COL4A3: variants seen among roughly 807,000 people sequenced by gnomAD.
COL4A3 encodes the protein collagen type IV alpha 3 chain, also known as collagen alpha-3(IV) chain.
A neutral mutation model predicts 217.4 loss-of-function variants in COL4A3; 135 were observed. That is an observed-to-expected ratio of 0.62 (90% CI 0.54 to 0.72). COL4A3 has a LOEUF of 0.72. COL4A3 is among the 30% of genes least tolerant of loss of function. The pLI is 0.00. For missense variants in COL4A3, 1,868 were observed against 2,119.9 expected, an observed-to-expected ratio of 0.88 and a Z score of 2.33; for synonymous variants, 690 against 736.3, an observed-to-expected ratio of 0.94 and a Z score of 1.02.
intron 1 of COL4A3, among the ~76,000 whole-genome samples, chr2:227,202,744 AAAATATATAT>A (rs202047000): frequency 0.38 from 25,345 of 66,718 alleles, 4,035 homozygotes; most frequent in East Asian, 0.59. Flanking sequence ...CTAAAAAAAA[AAAATATATAT>A]ATATATATAT....
Position 227,202,747 on chromosome 2 carries a change from ATATATATAT to A in COL4A3, c.88-35220_88-35212del, listed in dbSNP as rs1442998814. Among the ~76,000 whole-genome samples the A allele has an allele frequency of 3.6e-3, 57 of 15,902 alleles. 2 individuals carry two copies. Among genetic ancestry groups the A allele is most frequent in the African/African-American group, 0.019 (57 of 3,070 alleles). The allele number at this position is 15,902 out of a possible 152,430, so 10.4% of individuals were successfully genotyped here. A position where few individuals can be genotyped will look rare whatever the true frequency, so the allele number is the denominator to read the frequency against. ...GAGAATCCGTCTCTAAAAAAAAAAA[ATATATATAT>A]ATATATATATATATATCACATATAT... On this transcript the variant is annotated intron_variant, in intron 1 of 51. Coordinates refer to ENST00000396578, the MANE Select transcript of COL4A3 (RefSeq NM_000091.5).
intron 20 of COL4A3, 109 bp from the exon 21 acceptor site, chr2:227,263,671 C>G: frequency 1.8e-6 from 2 of 1,136,966 alleles, no homozygotes; most frequent in Non-Finnish European, 2.5e-6. Context: ...ATGTACCTCT[C>G]CATTGTGCAA....
intron 1 of COL4A3, chr2:227,221,188 C>T (rs1161882302): frequency 6.6e-6 from 1 of 152,240 alleles, no homozygotes; most frequent in Non-Finnish European, 1.5e-5. Context: ...TTCTTCTTGA[C>T]CTCTGTCACT....
chr2:227,283,054 G>A (rs1329044666), intron 32 of COL4A3, among the ~76,000 whole-genome samples: 1 of 152,062 alleles, frequency 6.6e-6, no homozygotes, highest in African/African-American at 2.4e-5. Flanking sequence ...TTTCTTATAG[G>A]TATATTCAGG....
Position 227,164,960 on chromosome 2 carries a change from G to C in COL4A3, c.87+147G>C. The C allele has an allele frequency of 9.6e-7, 1 of 1,045,186 alleles. No homozygotes were observed. The highest frequency in any genetic ancestry group is 1.3e-6 in the Non-Finnish European group (1 of 766,078). 64.7% of individuals were successfully genotyped at this position (1,045,186 alleles called of 1,614,324 possible). A position where few individuals can be genotyped will look rare whatever the true frequency, so the allele number is the denominator to read the frequency against. ...GCTGAGGGCTTCACGCAGGTCCCGGGACAGGCAGCGAGCGGAAGGGAGCAA... is the reference window on the plus strand; with the variant it reads ...GCTGAGGGCTTCACGCAGGTCCCGGCACAGGCAGCGAGCGGAAGGGAGCAA... On this transcript the variant is annotated intron_variant, in intron 1 of 51. Transcript: ENST00000396578. The surrounding 1 kb of genome is among the most constrained non-coding windows in gnomAD (Gnocchi z 4.8).
intron 25 of COL4A3, 124 bp from the exon 26 acceptor site, chr2:227,272,825 C>A: frequency 3.8e-6 from 4 of 1,058,176 alleles, no homozygotes; most frequent in South Asian, 2.6e-5. Context: ...TCATCAAATG[C>A]CAAATGCTTT....
intron 1 of COL4A3, among the ~76,000 whole-genome samples, chr2:227,222,041 C>T (rs1051350788): frequency 7.9e-5 from 12 of 151,228 alleles, no homozygotes; most frequent in Admixed American, 1.3e-4. Flanking sequence ...GTAGTCCCAC[C>T]TACTTAAGAG....
At chr2:227,246,773 T>C (rs1214685972) in intron 7 of COL4A3, 35 bp downstream of exon 7, 1 of 1,560,834 alleles carries the variant, frequency 6.4e-7, no homozygotes, top group Non-Finnish European at 8.8e-7. Context: ...AACAAAGACA[T>C]AAAGTATAAA....
In COL4A3 at chr2:227,311,902, C is replaced by T; in HGVS notation, c.*32C>T. 1 of 1,612,650 alleles carries T rather than the reference C, an allele frequency of 6.2e-7. No individual in the cohort carries two copies. Among genetic ancestry groups the T allele is most frequent in the Non-Finnish European group, 8.5e-7 (1 of 1,179,186 alleles). On this transcript the variant is annotated 3_prime_UTR_variant, in exon 52 of 52. Transcript: ENST00000396578. ...AAAAGACAGCAGAACTGCTATTTTT[C>T]ATCCTAAAGAACAAAGTAATGACAG...
At position 227,285,277 on chromosome 2, in the gene COL4A3, T is replaced by TAAAAAAAAAAA. The variant is rs764697409; in HGVS notation, c.2881+949_2881+959dup. Among the ~76,000 whole-genome samples, 99 of 72,370 alleles carry TAAAAAAAAAAA rather than the reference T, an allele frequency of 1.4e-3. 8 individuals carry two copies. The highest frequency in any genetic ancestry group is 3.0e-3 in the African/African-American group (53 of 17,694). 47.5% of individuals were successfully genotyped at this position (72,370 alleles called of 152,430 possible). On this transcript the variant is annotated intron_variant, in intron 34 of 51. Transcript: ENST00000396578. ...AAACCTTCACATGTACTGCCAAACC[T>TAAAAAAAAAAA]AAAAAAAAAAAAAAAAAAAAAAAAA...
At position 227,256,321 on chromosome 2, in the gene COL4A3, T is replaced by C. The variant is rs765991598; in HGVS notation, c.934-22T>C. The C allele has an allele frequency of 1.2e-5, 19 of 1,611,816 alleles. No homozygotes were observed. The African/African-American group carries it at 1.9e-4, about 16-fold the overall frequency. ...TTGGCTCCTGTGTCTTCTGACCCAT[T>C]TCTTTTTGTTCTTTTCTTTAGGGAG... On this transcript the variant is annotated intron_variant, in intron 16 of 51. Transcript: ENST00000396578.
intron 1 of COL4A3, among the ~76,000 whole-genome samples, chr2:227,202,200 A>G (rs564630388): frequency 6.6e-6 from 1 of 152,158 alleles, no homozygotes; most frequent in African/African-American, 2.4e-5. Context: ...AGAGCACACC[A>G]GTTCTAGCTT....
chr2:227,167,093 T>G (rs2065304394), intron 1 of COL4A3, among the ~76,000 whole-genome samples: 1 of 152,238 alleles, frequency 6.6e-6, no homozygotes, highest in African/African-American at 2.4e-5. Context: ...TATTAGCAAC[T>G]AAGCCAAAAC....
chr2:227,307,495 T>C (rs1016511577), intron 47 of COL4A3, among the ~76,000 whole-genome samples: 2 of 152,164 alleles, frequency 1.3e-5, no homozygotes, highest in Non-Finnish European at 2.9e-5. Flanking sequence ...AAAAAACGCA[T>C]CAAATATACA....
At chr2:227,222,171 T>A (rs1310434769) in intron 1 of COL4A3, among the ~76,000 whole-genome samples, 16 of 80,442 alleles carry the variant, frequency 2.0e-4, no homozygotes, top group East Asian at 7.4e-4. Context: ...ATAATGATAA[T>A]GATAATAAAA....
chr2:227,167,565 T>G (rs1418744295), intron 1 of COL4A3, among the ~76,000 whole-genome samples: 2 of 152,254 alleles, frequency 1.3e-5, no homozygotes, highest in East Asian at 3.8e-4. Flanking sequence ...TGGTTTATCC[T>G]TCTTCTTGCC....
At chr2:227,277,849 C>G (rs2071679095) in intron 28 of COL4A3, among the ~76,000 whole-genome samples, 1 of 151,602 alleles carries the variant, frequency 6.6e-6, no homozygotes, top group Non-Finnish European at 1.5e-5. Flanking sequence ...AAAATACAAA[C>G]ATTAGCCGGG....
chr2:227,253,662 G>T lies in COL4A3; in HGVS notation c.765+24G>T. On this transcript the variant is annotated intron_variant, in intron 13 of 51. Coordinates refer to ENST00000396578, the MANE Select transcript of COL4A3 (RefSeq NM_000091.5). The surrounding 1 kb of genome is among the most constrained non-coding windows in gnomAD (Gnocchi z 4.4). ...CGGTAACTCTGCGATTTTATGATTA[G>T]TGTTGTGCCTTCCCGTGTCTAGGAT... The T allele has an allele frequency of 6.3e-7, 1 of 1,590,292 alleles. No homozygotes were observed. Among genetic ancestry groups the T allele is most frequent in the Non-Finnish European group, 8.6e-7 (1 of 1,158,340 alleles).
rs112367106 is a variant in COL4A3, at chr2:227,223,228, C to T, written c.88-14740C>T. 7.5e-3 allele frequency among the ~76,000 whole-genome samples: 1,145 copies of T among 151,948 alleles called. 12 individuals are homozygous for T. Among genetic ancestry groups the T allele is most frequent in the African/African-American group, 0.025 (1,027 of 41,408 alleles). ...GACCTGCTCACTGAGGATGGGATCTCGAGGGGAAAAGTATGGTTACTAAAG... is the reference window on the plus strand; with the variant it reads ...GACCTGCTCACTGAGGATGGGATCTTGAGGGGAAAAGTATGGTTACTAAAG... On this transcript the variant is annotated intron_variant, in intron 1 of 51. Transcript: ENST00000396578.
Sources: gnomAD v4.1 joint callset for allele counts (sites outside exome capture counted in the v4.1 genomes callset) on GRCh38, gnomAD v4.1.1 for gene constraint, Gnocchi (gnomAD v3.1) non-coding constraint, MANE v1.5 for transcripts, NCBI Gene and HGNC (gene_info 2026-07-23, HGNC 2026-07-21) for gene names.